The following IHO1 variants were observed in gnomAD, a reference collection of about 807,000 sequenced individuals.
IHO1 encodes interactor of HORMAD1 protein 1.
Under a neutral mutation model 31.0 loss-of-function variants are expected in IHO1, and 13 were observed. The observed-to-expected ratio is 0.42, with a 90% CI of 0.27 to 0.67. The LOEUF (loss-of-function observed/expected upper bound fraction) is 0.67. IHO1 is among the 30% of genes least tolerant of loss of function. The pLI is 0.24. For synonymous variants in IHO1, 221 were observed against 248.4 expected (o/e 0.89, Z 1.04); for missense variants, 599 against 687.5 (o/e 0.87, Z 1.44).
At chr3:49,246,054 C>T (rs954700300) in intron 6 of IHO1, among the ~76,000 whole-genome samples, 8 of 151,690 alleles carry the variant, frequency 5.3e-5, no homozygotes, top group African/African-American at 1.7e-4. Context: ...TGGTGGTGGG[C>T]GCCTGTAGTC....
Position 49,199,536 on chromosome 3 carries a change from A to T in IHO1, c.-53A>T, listed in dbSNP as rs2046026266. Reference sequence around the variant, plus strand: ...GACGCGGCCACCTCGAAGCCACGTCAGGGCAGCCCCAGGTCGGGCGCGTGC... The same window carrying T: ...GACGCGGCCACCTCGAAGCCACGTCTGGGCAGCCCCAGGTCGGGCGCGTGC... On this transcript the variant is annotated 5_prime_UTR_variant, in exon 1 of 8. Transcript: ENST00000452691. 1 of 127,136 alleles carries T rather than the reference A, an allele frequency of 7.9e-6. No homozygotes were observed. The highest frequency in any genetic ancestry group is 1.6e-5 in the Non-Finnish European group (1 of 63,246). The allele number at this position is 127,136 out of a possible 1,614,324, so 7.9% of individuals were successfully genotyped here.
chr3:49,221,844 G>A (rs1326807463), intron 2 of IHO1, among the ~76,000 whole-genome samples: 2 of 152,242 alleles, frequency 1.3e-5, no homozygotes, highest in African/African-American at 2.4e-5. Flanking sequence ...AAGGGGAGAA[G>A]CCTTGTCGCC....
rs375774548 is a variant in IHO1, at chr3:49,252,622, A to G, written c.533-2768A>G. ...CATTTTGTAGAGACAGGATCTCACT[A>G]TGTTGCCCAGGCTGGTCTAGAACTC... On this transcript the variant is annotated intron_variant, in intron 6 of 7. Coordinates refer to ENST00000452691, the MANE Select transcript of IHO1 (RefSeq NM_001135197.2). Among the ~76,000 whole-genome samples, 10 of 152,080 alleles carry G rather than the reference A, an allele frequency of 6.6e-5. No homozygotes were observed. The East Asian group carries it at 9.7e-4, about 15-fold the overall frequency.
chr3:49,215,774 A>C (rs2046279882), intron 2 of IHO1, among the ~76,000 whole-genome samples: 1 of 152,198 alleles, frequency 6.6e-6, no homozygotes, highest in Admixed American at 6.5e-5. Context: ...GGAGGCATCT[A>C]GTGCAGTGAT....
chr3:49,200,520 GAAAAA>G (rs1348619266), intron 1 of IHO1: 1 of 647,758 alleles, frequency 1.5e-6, no homozygotes, highest in Non-Finnish European at 1.8e-6. Context: ...AGAAAGAAAA[GAAAAA>G]AGATTGTCGC....
At chr3:49,196,861 G>A (rs1438463004), upstream of IHO1, among the ~76,000 whole-genome samples, 6 of 151,754 alleles carry the variant, frequency 4.0e-5, no homozygotes, top group Non-Finnish European at 7.4e-5. Flanking sequence ...TAGTAGAGAC[G>A]GGGTTTCGCT....
chr3:49,239,386 A>T (rs2046600198), intron 3 of IHO1, among the ~76,000 whole-genome samples: 1 of 151,312 alleles, frequency 6.6e-6, no homozygotes, highest in African/African-American at 2.4e-5. Context: ...GGTTCAAGCG[A>T]TTCTCCTGCC....
chr3:49,193,655 CAAAAAAAAA>C (rs71077770), upstream of IHO1, among the ~76,000 whole-genome samples: 2 of 24,998 alleles, frequency 8.0e-5, no homozygotes, highest in East Asian at 1.2e-3. Context: ...GAGACTCTAC[CAAAAAAAAA>C]AAAAAAAAAA....
At chr3:49,249,776 A>C (rs2046738600) in intron 6 of IHO1, among the ~76,000 whole-genome samples, 2 of 152,236 alleles carry the variant, frequency 1.3e-5, no homozygotes, top group African/African-American at 2.4e-5. Flanking sequence ...AACTGGGAAG[A>C]GTATCCCTAA....
upstream of IHO1, among the ~76,000 whole-genome samples, chr3:49,198,143 T>C (rs2046013044): frequency 6.6e-6 from 1 of 152,348 alleles, no homozygotes; most frequent in East Asian, 1.9e-4. Context: ...TTCATTCCTT[T>C]TTATTGCTTA....
At chr3:49,202,056 A>G (rs1462828127) in intron 1 of IHO1, among the ~76,000 whole-genome samples, 1 of 152,198 alleles carries the variant, frequency 6.6e-6, no homozygotes, top group African/African-American at 2.4e-5. Flanking sequence ...ATGTTCCAGG[A>G]ATGATTTTTA....
At chr3:49,200,319 G>T (rs1012778382) in intron 1 of IHO1, among the ~76,000 whole-genome samples, 10 of 151,930 alleles carry the variant, frequency 6.6e-5, no homozygotes, top group East Asian at 3.9e-4. Flanking sequence ...ACAAAAATTA[G>T]CAGGGCGTGG....
upstream of IHO1, among the ~76,000 whole-genome samples, chr3:49,196,324 CTTT>C (rs904734693): frequency 7.4e-6 from 1 of 134,640 alleles, no homozygotes. Flanking sequence ...AACGTTTTTA[CTTT>C]TTTTTTTTTT....
At chr3:49,244,769 A>C (rs1199006582) in intron 6 of IHO1, 36 bp downstream of exon 6, 3 of 1,539,680 alleles carry the variant, frequency 1.9e-6, no homozygotes, top group Non-Finnish European at 2.7e-6. Context: ...AGCAGAGGGC[A>C]CTGGTGAATG....
chr3:49,233,887 C>G (rs1366419931), intron 2 of IHO1, among the ~76,000 whole-genome samples: 1 of 152,212 alleles, frequency 6.6e-6, no homozygotes, highest in Non-Finnish European at 1.5e-5. Flanking sequence ...AAACCACAAA[C>G]AATAGCATGA....
intron 5 of IHO1, 79 bp downstream of exon 5, chr3:49,244,531 T>A (rs1042015503): frequency 7.7e-7 from 1 of 1,298,080 alleles, no homozygotes; most frequent in African/African-American, 1.5e-5. Context: ...TTGGCTTTAG[T>A]TAATGTAGAA....
chr3:49,242,940 T>G (rs1024475530), intron 4 of IHO1, among the ~76,000 whole-genome samples: 1 of 152,220 alleles, frequency 6.6e-6, no homozygotes, highest in Admixed American at 6.5e-5. Context: ...TGTGCAGGTT[T>G]GTTACATAGG....
intron 2 of IHO1, among the ~76,000 whole-genome samples, chr3:49,218,812 G>A (rs1575571378): frequency 2.0e-5 from 3 of 152,000 alleles, no homozygotes; most frequent in South Asian, 4.1e-4. Context: ...TATCTGCCTC[G>A]GCCTATTCCT....
chr3:49,242,667 C>T (rs1042352953), intron 4 of IHO1, among the ~76,000 whole-genome samples: 5 of 151,980 alleles, frequency 3.3e-5, no homozygotes, highest in African/African-American at 7.2e-5. Flanking sequence ...TGGCCAGGCA[C>T]GGTGGCGGGT....
Sources: allele counts gnomAD v4.1 joint callset (sites outside exome capture counted in the v4.1 genomes callset), GRCh38; gene constraint gnomAD v4.1.1; transcripts MANE v1.5; gene names NCBI Gene and HGNC (gene_info 2026-07-23, HGNC 2026-07-21).